Variants in FIGN observed in about 807,000 individuals in gnomAD.
FIGN encodes fidgetin, microtubule severing factor, also known as fidgetin.
In FIGN, 11 loss-of-function variants were observed where a neutral mutation model predicts 51.3. That is an observed-to-expected ratio of 0.21 (90% confidence interval 0.13 to 0.35). The LOEUF is 0.35. Ranked by LOEUF, FIGN falls within the 10% of genes least tolerant of loss-of-function variation. FIGN has a pLI of 1.00. For missense variants in FIGN, 857 were observed against 943.6 expected (o/e 0.91, Z 1.20); for synonymous variants, 407 against 363.2 (o/e 1.12, Z -1.37).
chr2:163,676,434 A>AATATATATAT (rs202072418), intron 2 of FIGN, among the ~76,000 whole-genome samples: 15 of 65,874 alleles, frequency 2.3e-4, no homozygotes, highest in African/African-American at 3.5e-4. Flanking sequence ...GGATTCCTGG[A>AATATATATAT]ATATATATAT....
At chr2:163,646,902 A>G (rs1004927646) in intron 2 of FIGN, among the ~76,000 whole-genome samples, 3 of 152,250 alleles carry the variant, frequency 2.0e-5, no homozygotes. Flanking sequence ...GTGTAATTAT[A>G]GTGATTACTT....
intron 2 of FIGN, among the ~76,000 whole-genome samples, chr2:163,624,708 A>ATATATTT (rs564288395): frequency 2.7e-4 from 39 of 145,482 alleles, no homozygotes; most frequent in African/African-American, 9.6e-4. Flanking sequence ...ATATATATAT[A>ATATATTT]TTTTTTTTTT....
chr2:163,697,817 C>A (rs1369589191), intron 2 of FIGN, among the ~76,000 whole-genome samples: 1 of 152,176 alleles, frequency 6.6e-6, no homozygotes, highest in Non-Finnish European at 1.5e-5. Context: ...ACAACATATA[C>A]TATATACCAT....
rs528275827 is a variant in FIGN, at chr2:163,726,726, C to T, written c.25+8177G>A. Among the ~76,000 whole-genome samples the T allele has an allele frequency of 3.1e-4, 47 of 152,156 alleles. No individual in the cohort carries two copies. In the South Asian group the frequency reaches 5.0e-3, roughly 16 times the overall value. ...ACATATTCCATTTAGATAATCAAAA[C>T]TGTAATTTTTATCTAAAAGATTCCC... On this transcript the variant is annotated intron_variant, in intron 2 of 2. Transcript: ENST00000333129.
chr2:163,733,105 G>A (rs1291143945), intron 2 of FIGN, among the ~76,000 whole-genome samples: 3 of 152,078 alleles, frequency 2.0e-5, no homozygotes, highest in Non-Finnish European at 4.4e-5. Context: ...ATATATGTAT[G>A]TAAACTTTCA....
chr2:163,673,265 C>G (rs182880008), intron 2 of FIGN, among the ~76,000 whole-genome samples: 1 of 152,062 alleles, frequency 6.6e-6, no homozygotes, highest in Non-Finnish European at 1.5e-5. Flanking sequence ...AACATACTTG[C>G]GAGACACTGG....
At chr2:163,611,907 AT>A in intron 2 of FIGN, 101 bp from the exon 3 acceptor site, 1 of 800,162 alleles carries the variant, frequency 1.2e-6, no homozygotes. Flanking sequence ...TTTTCCATTA[AT>A]GATATGCATA....
intron 2 of FIGN, among the ~76,000 whole-genome samples, chr2:163,630,827 T>TA (rs1477200631): frequency 2.0e-5 from 3 of 152,106 alleles, no homozygotes; most frequent in East Asian, 3.8e-4. Context: ...CTCCCTCAAT[T>TA]AAAAAAATCC....
intron 2 of FIGN, among the ~76,000 whole-genome samples, chr2:163,689,916 T>C (rs1470649599): frequency 6.6e-6 from 1 of 152,168 alleles, no homozygotes; most frequent in African/African-American, 2.4e-5. Flanking sequence ...ACCACAAGTG[T>C]AACTAGAATA....
At chr2:163,671,617 T>C (rs1427669982) in intron 2 of FIGN, among the ~76,000 whole-genome samples, 2 of 152,224 alleles carry the variant, frequency 1.3e-5, no homozygotes. Flanking sequence ...AAAAATTGAT[T>C]ACCCATAAAC....
chr2:163,651,472 C>CA (rs939014476), intron 2 of FIGN, among the ~76,000 whole-genome samples: 9 of 151,810 alleles, frequency 5.9e-5, no homozygotes, highest in Non-Finnish European at 1.0e-4. Context: ...CAAAACAACA[C>CA]AAAAAAAAGT....
At chr2:163,709,292 C>T (rs942556685) in intron 2 of FIGN, among the ~76,000 whole-genome samples, 1 of 152,150 alleles carries the variant, frequency 6.6e-6, no homozygotes, top group African/African-American at 2.4e-5. Flanking sequence ...AGAACAGCCT[C>T]CATGCCAGTT....
chr2:163,667,173 C>T (rs1233693778), intron 2 of FIGN, among the ~76,000 whole-genome samples: 1 of 151,910 alleles, frequency 6.6e-6, no homozygotes, highest in Non-Finnish European at 1.5e-5. Context: ...CACAGACTCA[C>T]CAATACAACT....
rs181581234 is a variant in FIGN at position 163,729,513 on chromosome 2, T to C, written c.25+5390A>G. On this transcript the variant is annotated intron_variant, in intron 2 of 2. Coordinates refer to ENST00000333129, the MANE Select transcript of FIGN (RefSeq NM_018086.4). ...ATAACTGTTTGGTTAAAAGCTCCTC[T>C]TCCTATGAAAATGAGAACAGAAACC... 2.6e-5 allele frequency among the ~76,000 whole-genome samples: 4 copies of C among 152,258 alleles called. No homozygotes were observed. The East Asian group carries it at 5.8e-4, about 22-fold the overall frequency.
chr2:163,610,027 A>G lies in FIGN; in HGVS notation c.1805T>C (p.Val602Ala), dbSNP rs548435880. ...CAGAAATTCGGTTCTCATCCGACTG[A>G]CTGGACTATGTTCCTCATTCACTTG... ...SSQVNEEHSP[V>A]SRMRTEFLMQ... Residue 602 changes from valine (V) to alanine (A), a missense_variant, in exon 3 of 3, where the codon GTC becomes GCC. Transcript: ENST00000333129. 1.9e-6 allele frequency: 3 copies of G among 1,613,992 alleles called. No homozygotes were observed. The highest frequency in any genetic ancestry group is 2.5e-6 in the Non-Finnish European group (3 of 1,180,010).
chr2:163,671,054 C>T (rs1173494432), intron 2 of FIGN, among the ~76,000 whole-genome samples: 1 of 152,164 alleles, frequency 6.6e-6, no homozygotes, highest in Non-Finnish European at 1.5e-5. Context: ...CGGTGATTCC[C>T]ATTATCTATC....
At chr2:163,614,095 GAAATGCAGCTTGCATC>G (rs963481072) in intron 2 of FIGN, among the ~76,000 whole-genome samples, 4 of 152,074 alleles carry the variant, frequency 2.6e-5, no homozygotes, top group African/African-American at 7.2e-5. Context: ...AAATCCTGAT[GAAATGCAGCTTGCATC>G]ATTTCACTCA....
At position 163,610,769 on chromosome 2, in the gene FIGN, T is replaced by C. The variant is rs1204911506; in HGVS notation, c.1063A>G (p.Ser355Gly). The change falls in exon 3 of 3, where the codon AGC (serine) becomes GGC (glycine). Residue 355 changes from serine (S) to glycine (G), a missense_variant. Coordinates refer to ENST00000333129, the MANE Select transcript of FIGN (RefSeq NM_018086.4). Reference sequence around the variant, plus strand: ...TTCCCCCGATTTGTGTTTGAAATGCTGTTGTCGGGCATTCTGTACATAGGA... The same window carrying C: ...TTCCCCCGATTTGTGTTTGAAATGCCGTTGTCGGGCATTCTGTACATAGGA... ...QSPMYRMPDNSISNTNRGNGF... is the reference protein window; with the variant it reads ...QSPMYRMPDNGISNTNRGNGF... 6.2e-7 allele frequency: 1 copy of C among 1,614,218 alleles called. No homozygotes were observed.
intron 2 of FIGN, among the ~76,000 whole-genome samples, chr2:163,708,426 G>A (rs1449049322): frequency 1.3e-5 from 2 of 152,106 alleles, no homozygotes; most frequent in East Asian, 1.9e-4. Context: ...AAGCACTAAC[G>A]GAGGAGGTCA....
Sources: gnomAD v4.1 joint callset for allele counts (sites outside exome capture counted in the v4.1 genomes callset) on GRCh38, gnomAD v4.1.1 for gene constraint, MANE v1.5 for transcripts, NCBI Gene and HGNC (gene_info 2026-07-23, HGNC 2026-07-21) for gene names.